The following KCNQ3 variants were observed in gnomAD, a reference collection of about 807,000 sequenced individuals.
KCNQ3 encodes the protein potassium voltage-gated channel subfamily Q member 3.
KCNQ3 carries 30 observed loss-of-function variants against 92.5 expected under a neutral mutation model. The ratio of observed to expected loss-of-function variants is 0.32; its 90% CI spans 0.24 to 0.44. The LOEUF is 0.44. Ranked by LOEUF, KCNQ3 falls within the 20% of genes least tolerant of loss-of-function variation. The probability of loss-of-function intolerance (pLI) is 1.00; values close to 1 mark genes in which losing one functional copy is unlikely to be tolerated. For synonymous variants in KCNQ3, 450 were observed against 468.8 expected (o/e 0.96, Z 0.52); for missense variants, 913 against 1,140.3 (o/e 0.80, Z 2.87).
chr8:132,183,709 A>G (rs79775364), intron 3 of KCNQ3, among the ~76,000 whole-genome samples: 3,793 of 152,324 alleles, frequency 0.025, 183 homozygotes, highest in African/African-American at 0.088. Context: ...AAGCAAGACC[A>G]CACCTGGGTG....
intron 1 of KCNQ3, among the ~76,000 whole-genome samples, chr8:132,214,247 G>A (rs549566345): frequency 6.6e-6 from 1 of 152,100 alleles, no homozygotes; most frequent in African/African-American, 2.4e-5. Context: ...GATACAGACC[G>A]CAATTTATGC....
intron 1 of KCNQ3, among the ~76,000 whole-genome samples, chr8:132,395,691 A>G (rs1018982213): frequency 6.6e-6 from 1 of 152,208 alleles, no homozygotes; most frequent in African/African-American, 2.4e-5. Flanking sequence ...GAGCTTCTAC[A>G]ATGATATGCC....
intron 1 of KCNQ3, among the ~76,000 whole-genome samples, chr8:132,190,401 C>A (rs142517095): frequency 6.6e-6 from 1 of 151,966 alleles, no homozygotes; most frequent in African/African-American, 2.4e-5. Context: ...GATAGTCATG[C>A]CTGTGATTGT....
chr8:132,454,473 T>A lies in KCNQ3; in HGVS notation c.386+25674A>T, dbSNP rs377383932. Among the ~76,000 whole-genome samples, 409 of 152,350 alleles carry A rather than the reference T, an allele frequency of 2.7e-3. 2 individuals carry two copies. Among genetic ancestry groups the A allele is most frequent in the African/African-American group, 9.6e-3 (400 of 41,590 alleles). ...AATAAACTCATTTTATTCTCCTACA[T>A]TCTTTTTTATTTTATTCTCCTTTAT... On this transcript the variant is annotated intron_variant, in intron 1 of 14. Transcript: ENST00000388996.
At chr8:132,132,564 T>C (rs1007022150) in intron 13 of KCNQ3, among the ~76,000 whole-genome samples, 2 of 152,260 alleles carry the variant, frequency 1.3e-5, no homozygotes, top group African/African-American at 4.8e-5. Context: ...TAACAGTACC[T>C]AGAGTATCTA....
chr8:132,394,576 C>A (rs1820142914), intron 1 of KCNQ3, among the ~76,000 whole-genome samples: 1 of 152,146 alleles, frequency 6.6e-6, no homozygotes, highest in South Asian at 2.1e-4. Context: ...CCTGAGAGAA[C>A]TTCAGAGTGA....
chr8:132,149,328 T>G (rs1338125983), intron 9 of KCNQ3, among the ~76,000 whole-genome samples: 1 of 152,226 alleles, frequency 6.6e-6, no homozygotes, highest in African/African-American at 2.4e-5. Context: ...CTTGGGATGC[T>G]ATCTGTGAGA....
At chr8:132,364,054 A>G (rs1819246797) in intron 1 of KCNQ3, among the ~76,000 whole-genome samples, 1 of 152,130 alleles carries the variant, frequency 6.6e-6, no homozygotes, top group Non-Finnish European at 1.5e-5. Flanking sequence ...TGATATTTGC[A>G]GGAAAATATT....
intron 1 of KCNQ3, among the ~76,000 whole-genome samples, chr8:132,305,734 C>T (rs1300602978): frequency 6.6e-6 from 1 of 152,098 alleles, no homozygotes; most frequent in Non-Finnish European, 1.5e-5. Context: ...ACATATCTTC[C>T]TCCTCTTGTC....
intron 1 of KCNQ3, among the ~76,000 whole-genome samples, chr8:132,363,371 C>A (rs1274763120): frequency 6.6e-6 from 1 of 152,182 alleles, no homozygotes; most frequent in African/African-American, 2.4e-5. Flanking sequence ...ATTATCTGGT[C>A]ATTGAACACT....
chr8:132,359,382 C>T (rs140843467), intron 1 of KCNQ3, among the ~76,000 whole-genome samples: 49 of 152,304 alleles, frequency 3.2e-4, no homozygotes, highest in African/African-American at 8.4e-4. Flanking sequence ...CCTTCTCTCT[C>T]ATAGGCTTAT....
At chr8:132,367,764 C>T (rs1473076743) in intron 1 of KCNQ3, among the ~76,000 whole-genome samples, 2 of 152,204 alleles carry the variant, frequency 1.3e-5, no homozygotes, top group Non-Finnish European at 2.9e-5. Context: ...ATCTTTCTCC[C>T]AGATCAATTC....
chr8:132,365,414 G>A (rs1437536942), intron 1 of KCNQ3, among the ~76,000 whole-genome samples: 8 of 152,198 alleles, frequency 5.3e-5, no homozygotes, highest in Non-Finnish European at 1.0e-4. Flanking sequence ...ATGAGCGTGG[G>A]TGCCTGTGCA....
intron 1 of KCNQ3, among the ~76,000 whole-genome samples, chr8:132,329,490 C>A (rs1489358165): frequency 8.2e-6 from 1 of 122,294 alleles, no homozygotes; most frequent in African/African-American, 2.8e-5. Flanking sequence ...TTGAAATAAA[C>A]CTTCATTGCC....
intron 1 of KCNQ3, among the ~76,000 whole-genome samples, chr8:132,401,812 C>T (rs1820341663): frequency 6.6e-6 from 1 of 152,226 alleles, no homozygotes; most frequent in Admixed American, 6.5e-5. Context: ...GAGGTTTACA[C>T]CAAATGCTGC....
intron 1 of KCNQ3, among the ~76,000 whole-genome samples, chr8:132,373,384 C>T (rs775618711): frequency 6.6e-6 from 1 of 152,106 alleles, no homozygotes; most frequent in Non-Finnish European, 1.5e-5. Context: ...TAAAACGCTA[C>T]CAGATATTAA....
chr8:132,320,802 G>C (rs1221634974), intron 1 of KCNQ3, among the ~76,000 whole-genome samples: 1 of 152,160 alleles, frequency 6.6e-6, no homozygotes, highest in South Asian at 2.1e-4. Context: ...GAAAACAAAT[G>C]AATGCTGGTG....
At chr8:132,301,207 C>T (rs896684564) in intron 1 of KCNQ3, among the ~76,000 whole-genome samples, 4 of 152,168 alleles carry the variant, frequency 2.6e-5, no homozygotes, top group African/African-American at 9.7e-5. Context: ...GATGCATAAA[C>T]TCTGAATAAC....
At chr8:132,389,223 G>A (rs1277415056) in intron 1 of KCNQ3, among the ~76,000 whole-genome samples, 1 of 152,178 alleles carries the variant, frequency 6.6e-6, no homozygotes, top group Non-Finnish European at 1.5e-5. Context: ...TTGGGAGGCT[G>A]AGGTGGTTGG....
Sources: gnomAD v4.1 joint callset for allele counts (sites outside exome capture counted in the v4.1 genomes callset) on GRCh38, gnomAD v4.1.1 for gene constraint, MANE v1.5 for transcripts, NCBI Gene and HGNC (gene_info 2026-07-23, HGNC 2026-07-21) for gene names.